Variants in CYLD observed in about 807,000 individuals in gnomAD.
CYLD encodes CYLD lysine 63 deubiquitinase.
In CYLD, 26 loss-of-function variants were observed where a neutral mutation model predicts 104.5. The ratio of observed to expected loss-of-function variants is 0.25; its 90% confidence interval spans 0.18 to 0.35. The LOEUF is 0.35. Among genes scored for constraint, CYLD ranks in the 10% least tolerant of loss-of-function variants. The probability of loss-of-function intolerance (pLI) is 1.00; values close to 1 mark genes in which losing one functional copy is unlikely to be tolerated. For synonymous variants in CYLD, 385 were observed against 399.9 expected (o/e 0.96, Z 0.45); for missense variants, 703 against 1,136.1 (o/e 0.62, Z 5.48).
At chr16:50,784,936 T>C (rs1970653178) in intron 12 of CYLD, 1 of 156,176 alleles carries the variant, frequency 6.4e-6, no homozygotes, top group South Asian at 1.9e-4. Context: ...TAGTACCATA[T>C]TTTTTGGTTA....
chr16:50,760,668 A>C (rs922166163), intron 5 of CYLD, among the ~76,000 whole-genome samples: 5 of 152,090 alleles, frequency 3.3e-5, no homozygotes, highest in South Asian at 2.1e-4. Flanking sequence ...ACGGAAAAAA[A>C]TTTCATAATT....
chr16:50,794,635 T>A lies in CYLD; in HGVS notation c.2686+207T>A. The A allele has an allele frequency of 1.7e-6, 1 of 582,224 alleles. No individual in the cohort carries two copies. Among genetic ancestry groups the A allele is most frequent in the Non-Finnish European group, 3.1e-6 (1 of 327,484 alleles). The allele number at this position is 582,224 out of a possible 1,614,324, so 36.1% of individuals were successfully genotyped here. ...ATATGCTGTGTTTTTTTTTTTCCTT[T>A]TTTGAGATGGAGTCTCACTCTGTCA... On this transcript the variant is annotated intron_variant, in intron 18 of 18. Transcript: ENST00000427738. This position sits in a 1 kb window ranked among gnomAD's most constrained non-coding sequence, Gnocchi z 4.1.
chr16:50,780,132 G>A, intron 9 of CYLD, 88 bp downstream of exon 9: 12 of 1,463,268 alleles, frequency 8.2e-6, no homozygotes, highest in Non-Finnish European at 1.0e-5. Flanking sequence ...TTGACAAACT[G>A]TTATATTTGT....
In CYLD at chr16:50,749,950, T is replaced by A; in HGVS notation, c.252T>A (p.Val84=). 1 of 1,614,144 alleles carries A rather than the reference T, an allele frequency of 6.2e-7. No individual in the cohort carries two copies. Among genetic ancestry groups the A allele is most frequent in the South Asian group, 1.1e-5 (1 of 91,090 alleles). ...AGCAACCTCATGCAGTTCTCTTTGT[T>A]GATGAAAAGGATGTTGTAGAGATAA... ...ILEQPHAVLF[V]DEKDVVEINE... Residue 84 remains valine, a synonymous_variant, in exon 3 of 19, where the codon GTT becomes GTA. Coordinates refer to ENST00000427738, the MANE Select transcript of CYLD (RefSeq NM_001378743.1).
At chr16:50,746,914 T>G (rs1966239862) in intron 2 of CYLD, among the ~76,000 whole-genome samples, 2 of 152,092 alleles carry the variant, frequency 1.3e-5, no homozygotes, top group Non-Finnish European at 2.9e-5. Context: ...ACCAATAGAG[T>G]AGGAGCTGTT....
chr16:50,750,586 C>T (rs1214747033), intron 3 of CYLD, among the ~76,000 whole-genome samples: 1 of 151,994 alleles, frequency 6.6e-6, no homozygotes, highest in Non-Finnish European at 1.5e-5. Flanking sequence ...CTTTTGTTTA[C>T]TTTTTAATGA....
Position 50,779,883 on chromosome 16 carries a change from C to A in CYLD, c.1357C>A (p.Pro453Thr), listed in dbSNP as rs777730921. The A allele has an allele frequency of 1.9e-6, 3 of 1,614,018 alleles. No homozygotes were observed. The highest frequency in any genetic ancestry group is 2.5e-6 in the Non-Finnish European group (3 of 1,180,000). Residue 453 changes from proline (P) to threonine (T), a missense_variant, in exon 9 of 19, where the codon CCC becomes ACC. Coordinates refer to ENST00000427738, the MANE Select transcript of CYLD (RefSeq NM_001378743.1). ...TGTAATGGAAGAGCTAAACACTGCACCCGTCCAAGAGAGTCCACCCTTGGC... is the reference window on the plus strand; with the variant it reads ...TGTAATGGAAGAGCTAAACACTGCAACCGTCCAAGAGAGTCCACCCTTGGC... The part of the protein sequence containing the change: ...QSVMEELNTA[P>T]VQESPPLAMP...
At chr16:50,753,663 A>G (rs1412233307) in intron 4 of CYLD, among the ~76,000 whole-genome samples, 2 of 152,196 alleles carry the variant, frequency 1.3e-5, no homozygotes, top group Non-Finnish European at 2.9e-5. Context: ...TTAGCATGCC[A>G]TGCACATTGG....
In CYLD at chr16:50,777,929, T is replaced by A; in HGVS notation, c.1126T>A (p.Tyr376Asn). Reference sequence around the variant, plus strand: ...ACAATCCAAATCAAAAAATACATGGTACATTGATGAAGGTAATCAGTAATT... The same window carrying A: ...ACAATCCAAATCAAAAAATACATGGAACATTGATGAAGGTAATCAGTAATT... ...QPQSKSKNTW[Y>N]IDEVAEDPAK... The change falls in exon 8 of 19, where the codon TAC becomes AAC. Residue 376 changes from tyrosine (Y) to asparagine (N), a missense_variant. Tyr to Asn is a moderately radical substitution (Grantham distance 143). Coordinates refer to ENST00000427738, the MANE Select transcript of CYLD (RefSeq NM_001378743.1). 1 of 1,531,362 alleles carries A rather than the reference T, an allele frequency of 6.5e-7. No individual in the cohort carries two copies. The highest frequency in any genetic ancestry group is 9.0e-7 in the Non-Finnish European group (1 of 1,105,246). The allele number at this position is 1,531,362 out of a possible 1,614,324, so 94.9% of individuals were successfully genotyped here.
At chr16:50,785,140 T>C (rs1422541753) in intron 12 of CYLD, 4 of 152,196 alleles carry the variant, frequency 2.6e-5, no homozygotes, top group Non-Finnish European at 5.9e-5. Flanking sequence ...TGTCACATTA[T>C]AAAATTTAAA....
intron 8 of CYLD, among the ~76,000 whole-genome samples, chr16:50,778,943 G>A (rs985344811): frequency 6.6e-6 from 1 of 152,142 alleles, no homozygotes; most frequent in Admixed American, 6.5e-5. Flanking sequence ...CCTGTCAGCT[G>A]TATTAGTCAT....
In CYLD at chr16:50,776,226, A is replaced by G. The variant is rs1223206958; in HGVS notation, c.970A>G (p.Arg324Gly). ...RRPPKLAFMS[R>G]GVGDKGSSSH... ...GCCTCCCAAACTTGCCTTTATGTCA[A>G]GAGGTGTTGGGGACAAAGGTTCATC... is the stretch of plus-strand genomic sequence containing the variant. Residue 324 changes from arginine to glycine, a missense_variant, in exon 7 of 19, where the codon AGA becomes GGA. Transcript: ENST00000427738. 1 of 1,613,640 alleles carries G rather than the reference A, an allele frequency of 6.2e-7. No individual in the cohort carries two copies. Among genetic ancestry groups the G allele is most frequent in the East Asian group, 2.2e-5 (1 of 44,862 alleles).
At chr16:50,768,046 A>G (rs1968711708) in intron 5 of CYLD, among the ~76,000 whole-genome samples, 1 of 152,198 alleles carries the variant, frequency 6.6e-6, no homozygotes, top group Admixed American at 6.5e-5. Context: ...TGTCAGGCAC[A>G]CTTTGATCTT....
chr16:50,772,649 C>T (rs1969275831), intron 5 of CYLD, among the ~76,000 whole-genome samples: 1 of 152,172 alleles, frequency 6.6e-6, no homozygotes, highest in African/African-American at 2.4e-5. Flanking sequence ...AACAGTGCTT[C>T]AGTGAATAAC....
intron 14 of CYLD, among the ~76,000 whole-genome samples, chr16:50,790,971 T>C (rs1440920629): frequency 6.6e-6 from 1 of 152,176 alleles, no homozygotes; most frequent in Non-Finnish European, 1.5e-5. Context: ...TTGGTATTTG[T>C]TGAATAAATG....
At chr16:50,754,988 CATATAT>C (rs1234691926) in intron 5 of CYLD, among the ~76,000 whole-genome samples, 1 of 27,584 alleles carries the variant, frequency 3.6e-5, no homozygotes, top group African/African-American at 2.7e-4. Flanking sequence ...TACATATATA[CATATAT>C]ATGTATATAT....
intron 8 of CYLD, among the ~76,000 whole-genome samples, chr16:50,778,940 G>A (rs952904357): frequency 3.9e-5 from 6 of 152,132 alleles, no homozygotes; most frequent in African/African-American, 1.4e-4. Flanking sequence ...CTGCCTGTCA[G>A]CTGTATTAGT....
At chr16:50,778,847 AT>A (rs1003860018) in intron 8 of CYLD, among the ~76,000 whole-genome samples, 1 of 150,686 alleles carries the variant, frequency 6.6e-6, no homozygotes, top group South Asian at 2.1e-4. Flanking sequence ...TTCCTGTTTA[AT>A]TTTTTTTTAA....
Position 50,794,391 on chromosome 16 carries a change from T to C in CYLD, c.2649T>C (p.Ser883=), listed in dbSNP as rs2151039610. The change falls in exon 18 of 19, where the codon TCT becomes TCC. Residue 883 remains serine (S), a synonymous_variant. Transcript: ENST00000427738. This position sits in a 1 kb window ranked among gnomAD's most constrained non-coding sequence, Gnocchi z 4.1. The stretch of plus-strand genomic sequence containing the variant: ...TTGTGAAGTATGGGAAGGACGATTC[T>C]GCCTGGCTCTTCTTTGACAGCATGG... ...VAFVKYGKDD[S]AWLFFDSMAD... is the part of the protein sequence containing the mutation. The C allele has an allele frequency of 6.2e-7, 1 of 1,614,216 alleles. No individual in the cohort carries two copies. Among genetic ancestry groups the C allele is most frequent in the Non-Finnish European group, 8.5e-7 (1 of 1,180,036 alleles).
Sources: allele counts gnomAD v4.1 joint callset (sites outside exome capture counted in the v4.1 genomes callset), GRCh38; gene constraint gnomAD v4.1.1; non-coding constraint Gnocchi (gnomAD v3.1); transcripts MANE v1.5; gene names NCBI Gene and HGNC (gene_info 2026-07-23, HGNC 2026-07-21).